Variants in MBNL3 observed in about 807,000 individuals in gnomAD.
The protein encoded by MBNL3 is muscleblind-like protein 3.
In MBNL3, 6 loss-of-function variants were observed where a neutral mutation model predicts 24.5. That is an observed-to-expected ratio of 0.25 (90% CI 0.13 to 0.48). MBNL3 has a LOEUF of 0.48. MBNL3 is among the 20% of genes least tolerant of loss of function. The pLI is 0.99. For synonymous variants in MBNL3, 100 were observed against 101.7 expected (o/e 0.98, Z 0.10); for missense variants, 230 against 293.5 (o/e 0.78, Z 1.58).
upstream of MBNL3, chrX:132,489,734 G>C (rs1426817824): frequency 1.8e-5 from 2 of 108,404 alleles, no homozygotes; most frequent in Non-Finnish European, 3.9e-5. Context: ...CATCCGGAGC[G>C]CCGGACTCGG....
chrX:132,482,942 T>C (rs1947817575), intron 1 of MBNL3, among the ~76,000 whole-genome samples: 1 of 112,022 alleles, frequency 8.9e-6, no homozygotes, highest in African/African-American at 3.2e-5. Context: ...CCCCAGTCCC[T>C]CCCTAATGAT....
chrX:132,474,525 A>G lies in MBNL3; in HGVS notation c.-704+14326T>C, dbSNP rs1947341034. On this transcript the variant is annotated intron_variant, in intron 1 of 8. Coordinates refer to ENST00000370853, the MANE Select transcript of MBNL3 (RefSeq NM_001386889.1). ...AATCCTAATCCTCCACCTTAAAGGC[A>G]AAAAGAATAAAGAGGACCCAAAATT... is the stretch of plus-strand genomic sequence containing the variant. 2.7e-5 allele frequency among the ~76,000 whole-genome samples: 3 copies of G among 111,410 alleles called. No homozygotes were observed. The Admixed American group carries it at 2.9e-4, about 11-fold the overall frequency.
At chrX:132,420,241 A>G (rs1943668325) in intron 2 of MBNL3, among the ~76,000 whole-genome samples, 1 of 112,260 alleles carries the variant, frequency 8.9e-6, no homozygotes, top group African/African-American at 3.2e-5. Context: ...AACAATGGCA[A>G]GCCTTTAGCC....
At chrX:132,445,705 A>T (rs1233793176) in intron 1 of MBNL3, among the ~76,000 whole-genome samples, 1 of 111,766 alleles carries the variant, frequency 8.9e-6, no homozygotes, top group Non-Finnish European at 1.9e-5. Flanking sequence ...GGATAAAATA[A>T]TGTTACTGGC....
At chrX:132,481,109 T>G (rs1251822811) in intron 1 of MBNL3, among the ~76,000 whole-genome samples, 2 of 112,150 alleles carry the variant, frequency 1.8e-5, no homozygotes, top group African/African-American at 6.5e-5. Flanking sequence ...AGCTGTGGCC[T>G]CACTAAGTTA....
At chrX:132,462,199 A>C (rs913933622) in intron 1 of MBNL3, among the ~76,000 whole-genome samples, 1 of 111,490 alleles carries the variant, frequency 9.0e-6, no homozygotes, top group African/African-American at 3.3e-5. Context: ...TCTCTTTCCC[A>C]ATCTCAATCT....
rs1216677068 is a variant in MBNL3 at position 132,372,135 on chromosome X, C to T, written c.*7531G>A. The T allele has an allele frequency of 2.7e-5, 3 of 110,727 alleles. No individual in the cohort carries two copies. Among genetic ancestry groups the T allele is most frequent in the African/African-American group, 9.8e-5 (3 of 30,562 alleles). 9.1% of individuals were successfully genotyped at this position (110,727 alleles called of 1,213,427 possible). On this transcript the variant is annotated 3_prime_UTR_variant, in exon 9 of 9. Coordinates refer to ENST00000370853, the MANE Select transcript of MBNL3 (RefSeq NM_001386889.1). The stretch of plus-strand genomic sequence containing the variant: ...ATAACTTGAAAAAAAATCAAAGCGT[C>T]TGCAGTTGAGGGAATGAGCTATTGC...
rs1224876585 is a variant in MBNL3, at chrX:132,433,083, ACTCT to A, written c.177+6348_177+6351del. 2.6e-4 allele frequency among the ~76,000 whole-genome samples: 29 copies of A among 110,854 alleles called. No homozygotes were observed. In the Admixed American group the frequency reaches 2.7e-3, roughly 10 times the overall value. On this transcript the variant is annotated intron_variant, in intron 2 of 8. Coordinates refer to ENST00000370853, the MANE Select transcript of MBNL3 (RefSeq NM_001386889.1). Reference sequence around the variant, plus strand: ...CTAGTTCGAAGCCACATGCACAAGGACTCTCTCTCTCTAGCAGCAAACTACAGAG... The same window carrying A: ...CTAGTTCGAAGCCACATGCACAAGGACTCTCTCTAGCAGCAAACTACAGAG...
chrX:132,427,338 C>A (rs1283428528), intron 2 of MBNL3, among the ~76,000 whole-genome samples: 1 of 111,342 alleles, frequency 9.0e-6, no homozygotes, highest in Non-Finnish European at 1.9e-5. Context: ...GAAGTTAAGA[C>A]TGAATTTGGT....
intron 2 of MBNL3, among the ~76,000 whole-genome samples, chrX:132,436,699 A>G (rs1945134897): frequency 8.9e-6 from 1 of 112,278 alleles, no homozygotes; most frequent in Non-Finnish European, 1.9e-5. Context: ...CACAATGCAC[A>G]TAGGTCAATT....
At chrX:132,413,678 A>C in intron 2 of MBNL3, 4 of 964,127 alleles carry the variant, frequency 4.1e-6, no homozygotes. Context: ...ACGGCTCGCT[A>C]CCCTGGCAGC....
At chrX:132,485,027 A>AT (rs1171536123) in intron 1 of MBNL3, among the ~76,000 whole-genome samples, 6 of 109,210 alleles carry the variant, frequency 5.5e-5, no homozygotes, top group Admixed American at 9.8e-5. Context: ...TTTATTTTTT[A>AT]TTTTTTTCTG....
rs1443310412 is a variant in MBNL3 at position 132,378,123 on chromosome X, T to C, written c.*1543A>G. On this transcript the variant is annotated 3_prime_UTR_variant, in exon 9 of 9. Coordinates refer to ENST00000370853, the MANE Select transcript of MBNL3 (RefSeq NM_001386889.1). ...TCAAACATATATAAAGGCAAACGAATCCAAACAAGCATAAAAGAGGCTTGG... is the reference window on the plus strand; with the variant it reads ...TCAAACATATATAAAGGCAAACGAACCCAAACAAGCATAAAAGAGGCTTGG... 9.0e-6 allele frequency: 1 copy of C among 110,581 alleles called. No homozygotes were observed. The highest frequency in any genetic ancestry group is 1.9e-5 in the Non-Finnish European group (1 of 52,838). 9.1% of individuals were successfully genotyped at this position (110,581 alleles called of 1,213,427 possible).
chrX:132,393,041 A>G (rs1407371408), intron 3 of MBNL3, among the ~76,000 whole-genome samples: 1 of 111,519 alleles, frequency 9.0e-6, no homozygotes, highest in Non-Finnish European at 1.9e-5. Context: ...GGTACATGAG[A>G]TATTTTGATA....
rs1486684890 is a variant in MBNL3, at chrX:132,375,545, T to C, written c.*4121A>G. ...ATATGGTACCAATTAGTGAGTTATA[T>C]TTACAGTTTGATTAGGCTAGTAACT... On this transcript the variant is annotated 3_prime_UTR_variant, in exon 9 of 9. Coordinates refer to ENST00000370853, the MANE Select transcript of MBNL3 (RefSeq NM_001386889.1). 9.0e-6 allele frequency: 1 copy of C among 111,400 alleles called. No individual in the cohort carries two copies. Among genetic ancestry groups the C allele is most frequent in the Non-Finnish European group, 1.9e-5 (1 of 52,866 alleles). 9.2% of individuals were successfully genotyped at this position (111,400 alleles called of 1,213,427 possible).
chrX:132,375,789 C>T lies in MBNL3; in HGVS notation c.*3877G>A, dbSNP rs1934079968. ...TTCAGTTTCTAATCATTCTGTACCT[C>T]ATAGCCTACCCTACAGACTAAAGGA... On this transcript the variant is annotated 3_prime_UTR_variant, in exon 9 of 9. Coordinates refer to ENST00000370853, the MANE Select transcript of MBNL3 (RefSeq NM_001386889.1). 9.0e-6 allele frequency: 1 copy of T among 111,189 alleles called. No individual in the cohort carries two copies. The highest frequency in any genetic ancestry group is 9.6e-5 in the Admixed American group (1 of 10,465). 9.2% of individuals were successfully genotyped at this position (111,189 alleles called of 1,213,427 possible). A position where few individuals can be genotyped will look rare whatever the true frequency, so the allele number is the denominator to read the frequency against.
intron 1 of MBNL3, among the ~76,000 whole-genome samples, chrX:132,482,436 C>T (rs1947789000): frequency 8.9e-6 from 1 of 111,803 alleles, no homozygotes; most frequent in South Asian, 3.7e-4. Context: ...TTTAGCCCTT[C>T]CTCCTCATTT....
At chrX:132,459,228 A>G (rs1246229238) in intron 1 of MBNL3, among the ~76,000 whole-genome samples, 2 of 108,537 alleles carry the variant, frequency 1.8e-5, no homozygotes, top group Non-Finnish European at 3.8e-5. Flanking sequence ...CATATTTAAA[A>G]CTATTTTTTC....
At chrX:132,475,473 G>A (rs1005777192) in intron 1 of MBNL3, among the ~76,000 whole-genome samples, 1 of 111,746 alleles carries the variant, frequency 8.9e-6, no homozygotes, top group African/African-American at 3.3e-5. Flanking sequence ...AGGGACTTGA[G>A]GATGCAATTT....
Sources: gnomAD v4.1 joint callset for allele counts (sites outside exome capture counted in the v4.1 genomes callset) on GRCh38, gnomAD v4.1.1 for gene constraint, MANE v1.5 for transcripts, NCBI Gene and HGNC (gene_info 2026-07-23, HGNC 2026-07-21) for gene names.